Variants in SCIN observed in about 807,000 individuals in gnomAD.
SCIN encodes adseverin.
In SCIN, 91 loss-of-function variants were observed where a neutral mutation model predicts 91.8. The observed-to-expected ratio is 0.99, with a 90% CI of 0.84 to 1.18. SCIN has a LOEUF of 1.18. Ranked by LOEUF, SCIN falls within the 50% of genes most tolerant of loss-of-function variation. The pLI, the probability that SCIN is intolerant of heterozygous loss-of-function variation, is 0.00. For synonymous variants in SCIN, 367 were observed against 312.6 expected, an observed-to-expected ratio of 1.17 and a Z score of -1.84; for missense variants, 1,087 against 863.9, an observed-to-expected ratio of 1.26 and a Z score of -3.24.
chr7:12,626,510 C>G, intron 7 of SCIN, 74 bp from the exon 8 acceptor site: 2 of 1,144,766 alleles, frequency 1.7e-6, no homozygotes, highest in Non-Finnish European at 2.4e-6. Context: ...TTACTTTTGT[C>G]TCCACTGCCA....
chr7:12,652,461 G>C, intron 15 of SCIN, 127 bp from the exon 16 acceptor site: 3 of 813,980 alleles, frequency 3.7e-6, no homozygotes. Context: ...CATTTTCAAT[G>C]TAGCCAATAT....
At chr7:12,617,408 A>C (rs1783321718) in intron 4 of SCIN, among the ~76,000 whole-genome samples, 1 of 152,138 alleles carries the variant, frequency 6.6e-6, no homozygotes, top group South Asian at 2.1e-4. Flanking sequence ...AGACAATGGA[A>C]GAATGCACAG....
intron 3 of SCIN, among the ~76,000 whole-genome samples, chr7:12,582,600 A>G (rs1782509991): frequency 6.6e-6 from 1 of 152,182 alleles, no homozygotes; most frequent in Admixed American, 6.5e-5. Flanking sequence ...CCTAAATGGC[A>G]GTACCTTTGC....
At chr7:12,597,385 A>G (rs1782865220) in intron 3 of SCIN, among the ~76,000 whole-genome samples, 1 of 152,208 alleles carries the variant, frequency 6.6e-6, no homozygotes, top group Non-Finnish European at 1.5e-5. Flanking sequence ...TCCTTTAATC[A>G]GATTTTAGAT....
At chr7:12,593,011 C>CTT (rs1309979029) in intron 3 of SCIN, among the ~76,000 whole-genome samples, 2 of 152,204 alleles carry the variant, frequency 1.3e-5, no homozygotes, top group Admixed American at 6.5e-5. Flanking sequence ...TGATTCTTCA[C>CTT]TTTTTGTCTT....
intron 3 of SCIN, among the ~76,000 whole-genome samples, chr7:12,591,234 G>A (rs1782716093): frequency 6.6e-6 from 1 of 152,136 alleles, no homozygotes; most frequent in South Asian, 2.1e-4. Context: ...CTGAATTTGG[G>A]ATTTTTTATA....
rs201798912 is a variant in SCIN, at chr7:12,604,540, G to T, written c.543G>T (p.Ser181=). ...AAATTTATCAGTGGTGTGGTTCCTCGTGCAACAAATATGAACGTCTGAAGG... is the reference window on the plus strand; with the variant it reads ...AAATTTATCAGTGGTGTGGTTCCTCTTGCAACAAATATGAACGTCTGAAGG... ...GTEIYQWCGS[S]CNKYERLKAN... The change falls in exon 4 of 16, where the codon TCG becomes TCT. Residue 181 remains serine, a synonymous_variant. Transcript: ENST00000297029. 2 of 1,551,532 alleles carry T rather than the reference G, an allele frequency of 1.3e-6. No homozygotes were observed. Among genetic ancestry groups the T allele is most frequent in the Admixed American group, 2.0e-5 (1 of 50,960 alleles).
intron 4 of SCIN, among the ~76,000 whole-genome samples, chr7:12,614,398 C>T (rs188712481): frequency 6.6e-6 from 1 of 152,302 alleles, no homozygotes; most frequent in East Asian, 1.9e-4. Context: ...AGAAGAGGCA[C>T]TCTTCTAGGA....
Position 12,652,545 on chromosome 7 carries a change from A to G in SCIN, c.2021-43A>G, listed in dbSNP as rs549210638. 11 of 1,585,994 alleles carry G rather than the reference A, an allele frequency of 6.9e-6. No homozygotes were observed. The Admixed American group carries it at 2.0e-4, about 28-fold the overall frequency. ...TTCAATCTGCAGTTACTTTAGTTTA[A>G]CCCAAACTAACTGAATTTATATGTC... On this transcript the variant is annotated intron_variant, in intron 15 of 15. Transcript: ENST00000297029.
rs552527091 is a variant in SCIN, at chr7:12,641,371, A to G, written c.1581+854A>G. Among the ~76,000 whole-genome samples, 8 of 151,944 alleles carry G rather than the reference A, an allele frequency of 5.3e-5. No individual in the cohort carries two copies. The South Asian group carries it at 8.3e-4, about 16-fold the overall frequency. ...TGGAACTTGTGTTTTCCCAAGACCC[A>G]CTCACCATGGCCTCAGGGATGGGGC... On this transcript the variant is annotated intron_variant, in intron 11 of 15. Transcript: ENST00000297029.
At chr7:12,586,666 G>A (rs967071844) in intron 3 of SCIN, among the ~76,000 whole-genome samples, 7 of 152,116 alleles carry the variant, frequency 4.6e-5, no homozygotes, top group South Asian at 2.1e-4. Context: ...AATAGCAAAC[G>A]TATGGAATCA....
intron 4 of SCIN, among the ~76,000 whole-genome samples, chr7:12,608,251 A>G (rs1042024746): frequency 1.3e-5 from 2 of 151,942 alleles, no homozygotes; most frequent in Admixed American, 1.3e-4. Flanking sequence ...TTTAGCAAAT[A>G]TTTTTCTTAG....
chr7:12,640,559 T>A, intron 11 of SCIN, 42 bp downstream of exon 11: 1 of 1,519,182 alleles, frequency 6.6e-7, no homozygotes, highest in Non-Finnish European at 8.8e-7. Context: ...AGTTATGGAC[T>A]TCCCAATGGA....
intron 3 of SCIN, among the ~76,000 whole-genome samples, chr7:12,603,250 T>C (rs1231128144): frequency 6.6e-6 from 1 of 152,094 alleles, no homozygotes; most frequent in African/African-American, 2.4e-5. Context: ...GTTCACGCCA[T>C]TCTCCTGCCT....
At chr7:12,591,880 G>T (rs982190019) in intron 3 of SCIN, among the ~76,000 whole-genome samples, 2 of 152,150 alleles carry the variant, frequency 1.3e-5, no homozygotes, top group Non-Finnish European at 2.9e-5. Context: ...GGGCCTTGGA[G>T]GGGGAGACCC....
At chr7:12,605,511 G>A (rs185737220) in intron 4 of SCIN, among the ~76,000 whole-genome samples, 2 of 152,318 alleles carry the variant, frequency 1.3e-5, no homozygotes, top group African/African-American at 2.4e-5. Context: ...ATATCTTGGG[G>A]ATGGGAGTCA....
intron 3 of SCIN, among the ~76,000 whole-genome samples, chr7:12,593,219 G>A (rs1455281504): frequency 6.6e-6 from 1 of 152,144 alleles, no homozygotes; most frequent in African/African-American, 2.4e-5. Flanking sequence ...CAGGTCTTTT[G>A]TGCCCTTGGG....
intron 4 of SCIN, among the ~76,000 whole-genome samples, chr7:12,606,930 C>T (rs564824100): frequency 1.3e-5 from 2 of 152,242 alleles, no homozygotes; most frequent in South Asian, 2.1e-4. Context: ...TCTTTTAAGG[C>T]CTCTGTTCTA....
intron 2 of SCIN, among the ~76,000 whole-genome samples, chr7:12,578,462 TA>T (rs1782419580): frequency 6.6e-6 from 1 of 152,186 alleles, no homozygotes; most frequent in Non-Finnish European, 1.5e-5. Context: ...TTTGATAGGT[TA>T]ATTTTTTAAA....
Sources: gnomAD v4.1 joint callset for allele counts (sites outside exome capture counted in the v4.1 genomes callset) on GRCh38, gnomAD v4.1.1 for gene constraint, MANE v1.5 for transcripts, NCBI Gene and HGNC (gene_info 2026-07-23, HGNC 2026-07-21) for gene names.